Variants in ANO4 observed in about 807,000 individuals in gnomAD.
The protein encoded by ANO4 is anoctamin 4, also known as anoctamin-4.
ANO4 carries 69 observed loss-of-function variants against 141.9 expected under a neutral mutation model. The ratio of observed to expected loss-of-function variants is 0.49; its 90% CI spans 0.40 to 0.59. The LOEUF (loss-of-function observed/expected upper bound fraction) is 0.59. ANO4 is among the 20% of genes least tolerant of loss of function. The pLI, the probability that ANO4 is intolerant of heterozygous loss-of-function variation, is 0.00. For missense variants in ANO4, 894 were observed against 1,162.2 expected (o/e 0.77, Z 3.36); for synonymous variants, 350 against 394.3 (o/e 0.89, Z 1.33).
intron 4 of ANO4, 146 bp downstream of exon 4, chr12:100,939,597 T>TC: frequency 1.2e-6 from 1 of 851,918 alleles, no homozygotes; most frequent in African/African-American, 1.7e-5. Context: ...TCCTTTGACA[T>TC]CCCCCATGTC....
chr12:100,758,793 TGAGG>T (rs908997089), intron 3 of ANO4, among the ~76,000 whole-genome samples: 1 of 152,216 alleles, frequency 6.6e-6, no homozygotes, highest in Non-Finnish European at 1.5e-5. Flanking sequence ...CTGAAGATTC[TGAGG>T]GAGAATCCTT....
intron 3 of ANO4, among the ~76,000 whole-genome samples, chr12:100,742,282 G>T (rs976612462): frequency 1.3e-5 from 2 of 151,982 alleles, no homozygotes; most frequent in African/African-American, 4.8e-5. Context: ...ACATTTATTT[G>T]ATTTTTTAGA....
chr12:100,849,340 C>A (rs1328028243), intron 1 of ANO4, among the ~76,000 whole-genome samples: 1 of 152,076 alleles, frequency 6.6e-6, no homozygotes, highest in Non-Finnish European at 1.5e-5. Flanking sequence ...ATAGGTAATA[C>A]CATCGTATGT....
intron 1 of ANO4, among the ~76,000 whole-genome samples, chr12:100,851,105 A>G (rs572329327): frequency 2.6e-5 from 4 of 152,288 alleles, no homozygotes; most frequent in Admixed American, 2.6e-4. Context: ...ATCAAAGGGT[A>G]TCAATATTTT....
intron 9 of ANO4, among the ~76,000 whole-genome samples, chr12:101,029,885 C>T (rs1407207226): frequency 1.6e-5 from 2 of 123,934 alleles, no homozygotes; most frequent in Non-Finnish European, 3.2e-5. Flanking sequence ...ACTCCAACCT[C>T]GTGAAAGAGC....
At chr12:101,091,305 C>T (rs2049761975) in intron 17 of ANO4, among the ~76,000 whole-genome samples, 1 of 152,096 alleles carries the variant, frequency 6.6e-6, no homozygotes, top group Admixed American at 6.6e-5. Context: ...GCAGCATCAA[C>T]CAGGACCTCT....
intron 22 of ANO4, among the ~76,000 whole-genome samples, chr12:101,100,095 C>G (rs556930258): frequency 1.3e-5 from 2 of 152,178 alleles, no homozygotes; most frequent in East Asian, 3.9e-4. Flanking sequence ...TTCATAAAGT[C>G]TTTGTGTGGA....
At chr12:100,878,906 A>T (rs963385804) in intron 1 of ANO4, among the ~76,000 whole-genome samples, 1 of 152,180 alleles carries the variant, frequency 6.6e-6, no homozygotes, top group Non-Finnish European at 1.5e-5. Context: ...CTAAGCCTTC[A>T]GATCTCAAAA....
intron 3 of ANO4, among the ~76,000 whole-genome samples, chr12:100,777,720 T>A (rs555652612): frequency 3.3e-5 from 5 of 152,166 alleles, no homozygotes; most frequent in Non-Finnish European, 7.3e-5. Flanking sequence ...CTTTCCACTC[T>A]CACAAAATAA....
chr12:101,028,918 G>A (rs1447767425), intron 9 of ANO4, among the ~76,000 whole-genome samples: 1 of 152,158 alleles, frequency 6.6e-6, no homozygotes, highest in Non-Finnish European at 1.5e-5. Flanking sequence ...AAAGTGTTAA[G>A]GGCAGCCAGA....
At chr12:100,828,259 C>G (rs562250086) in intron 1 of ANO4, among the ~76,000 whole-genome samples, 1 of 151,990 alleles carries the variant, frequency 6.6e-6, no homozygotes, top group South Asian at 2.1e-4. Flanking sequence ...AGCACATTCC[C>G]CAATTGGAGA....
intron 14 of ANO4, among the ~76,000 whole-genome samples, chr12:101,056,961 C>T (rs1291812212): frequency 6.8e-5 from 10 of 146,342 alleles, no homozygotes; most frequent in Non-Finnish European, 9.0e-5. Flanking sequence ...CCCTTCAAAT[C>T]GTCATCTACA....
chr12:100,943,781 T>C (rs908540406), intron 5 of ANO4, among the ~76,000 whole-genome samples: 6 of 152,342 alleles, frequency 3.9e-5, no homozygotes, highest in African/African-American at 1.2e-4. Flanking sequence ...ACTGAGTGTA[T>C]AGTTGATAAA....
At chr12:101,041,297 C>T (rs143265581) in intron 11 of ANO4, among the ~76,000 whole-genome samples, 70 of 152,304 alleles carry the variant, frequency 4.6e-4, no homozygotes, top group African/African-American at 1.6e-3. Flanking sequence ...TGATCCATTC[C>T]TTGTGTTGGT....
chr12:101,000,088 A>T (rs539293263), intron 8 of ANO4, among the ~76,000 whole-genome samples: 193 of 151,714 alleles, frequency 1.3e-3, no homozygotes, highest in African/African-American at 4.4e-3. Flanking sequence ...TACCTGGCAG[A>T]TAGAAAGCAC....
At chr12:100,836,390 A>G (rs2203418) in intron 1 of ANO4, among the ~76,000 whole-genome samples, 120,448 of 151,914 alleles carry the variant, frequency 0.79, 47,927 homozygotes, top group Admixed American at 0.86. Context: ...TGTGCACAAC[A>G]TGCAGGTTTG....
At chr12:100,783,257 A>G (rs2033763940) in intron 3 of ANO4, among the ~76,000 whole-genome samples, 1 of 152,156 alleles carries the variant, frequency 6.6e-6, no homozygotes, top group Non-Finnish European at 1.5e-5. Flanking sequence ...CAGAGTTGGG[A>G]TGAGGTAATG....
At chr12:100,960,475 C>T (rs1177897268) in intron 5 of ANO4, among the ~76,000 whole-genome samples, 1 of 151,972 alleles carries the variant, frequency 6.6e-6, no homozygotes, top group Non-Finnish European at 1.5e-5. Context: ...TAATTTTGAT[C>T]AGCATTTCAC....
At chr12:100,853,127 T>A (rs563241807) in intron 1 of ANO4, among the ~76,000 whole-genome samples, 1 of 152,288 alleles carries the variant, frequency 6.6e-6, no homozygotes, top group South Asian at 2.1e-4. Context: ...CTCTTGACCA[T>A]TTTTCTACTT....
Sources: gnomAD v4.1 joint callset for allele counts (sites outside exome capture counted in the v4.1 genomes callset) on GRCh38, gnomAD v4.1.1 for gene constraint, MANE v1.5 for transcripts, NCBI Gene and HGNC (gene_info 2026-07-23, HGNC 2026-07-21) for gene names.